The following ACSS1 variants were observed in gnomAD, a reference collection of about 807,000 sequenced individuals.
ACSS1 encodes acetyl-coenzyme A synthetase 2-like, mitochondrial.
ACSS1 carries 42 observed loss-of-function variants against 75.3 expected under a neutral mutation model. The ratio of observed to expected loss-of-function variants is 0.56; its 90% CI spans 0.44 to 0.72. The LOEUF is 0.72. Among genes scored for constraint, ACSS1 ranks in the 30% least tolerant of loss-of-function variants. ACSS1 has a pLI of 0.00. For synonymous variants in ACSS1, 380 were observed against 376.8 expected (o/e 1.01, Z -0.10); for missense variants, 782 against 935.7 (o/e 0.84, Z 2.14).
At chr20:25,048,724 T>C (rs1260719271) in intron 1 of ACSS1, among the ~76,000 whole-genome samples, 1 of 152,226 alleles carries the variant, frequency 6.6e-6, no homozygotes, top group Non-Finnish European at 1.5e-5. Flanking sequence ...TAAACCAGCC[T>C]TGTTCCAAGA....
intron 12 of ACSS1, 181 bp from the exon 13 acceptor site, chr20:25,009,569 G>C: frequency 3.3e-6 from 2 of 608,148 alleles, no homozygotes; most frequent in South Asian, 1.9e-5. Flanking sequence ...TTCATGAAAA[G>C]TGGCAGCGAT....
At chr20:25,027,935 C>A (rs535245925) in intron 3 of ACSS1, among the ~76,000 whole-genome samples, 2 of 152,000 alleles carry the variant, frequency 1.3e-5, no homozygotes, top group African/African-American at 4.8e-5. Flanking sequence ...TTGCAATATA[C>A]AAGATCACTA....
chr20:25,037,006 AAGG>A (rs1277114117), intron 2 of ACSS1, among the ~76,000 whole-genome samples: 3 of 29,512 alleles, frequency 1.0e-4, no homozygotes, highest in African/African-American at 2.9e-4. Context: ...AGAAGAAAGA[AAGG>A]AAGGAAGGAA....
In ACSS1 at chr20:25,057,879, G is replaced by A. The variant is rs1478160444; in HGVS notation, c.224C>T (p.Pro75Leu). 2 of 1,612,512 alleles carry A rather than the reference G, an allele frequency of 1.2e-6. No homozygotes were observed. Among genetic ancestry groups the A allele is most frequent in the African/African-American group, 1.3e-5 (1 of 74,910 alleles). The stretch of plus-strand genomic sequence containing the variant: ...CCACACGAGAGTGTCCCGCGCCAGA[G>A]GCCCCCAGAAGGCGGCCGGCTCCCG... ...AAREPAAFWG[P>L]LARDTLVWDT... The change falls in exon 1 of 14, where the codon CCT (proline) becomes CTT (leucine). Residue 75 changes from proline to leucine, a missense_variant. By Grantham distance (98) the Pro-to-Leu change is moderately conservative. Around this residue, in one of 2 missense-constraint regions of ACSS1, gnomAD observed 377 missense variants for 383.1 expected, o/e 0.98. Transcript: ENST00000323482.
intron 2 of ACSS1, chr20:25,032,369 C>G (rs765335306): frequency 5.1e-5 from 69 of 1,354,404 alleles, no homozygotes; most frequent in Non-Finnish European, 6.2e-5. Context: ...GCCAACTTGC[C>G]GGCCATGCGG....
Position 25,007,466 on chromosome 20 carries a change from C to G in ACSS1, c.*296G>C. ...AGGGCCTCACCTTCCTGTGCTGGCTCAAGAGGGCAGAGGAATGGAGATGGC... is the reference window on the plus strand; with the variant it reads ...AGGGCCTCACCTTCCTGTGCTGGCTGAAGAGGGCAGAGGAATGGAGATGGC... On this transcript the variant is annotated 3_prime_UTR_variant, in exon 14 of 14. Coordinates refer to ENST00000323482, the MANE Select transcript of ACSS1 (RefSeq NM_032501.4). The G allele has an allele frequency of 1.6e-6, 2 of 1,228,202 alleles. No individual in the cohort carries two copies. Among genetic ancestry groups the G allele is most frequent in the Non-Finnish European group, 2.0e-6 (2 of 979,242 alleles). 76.1% of individuals were successfully genotyped at this position (1,228,202 alleles called of 1,614,324 possible). A position where few individuals can be genotyped will look rare whatever the true frequency, so the allele number is the denominator to read the frequency against.
intron 4 of ACSS1, 53 bp from the exon 5 acceptor site, chr20:25,023,145 A>G (rs2088654233): frequency 3.8e-6 from 6 of 1,572,306 alleles, no homozygotes; most frequent in Non-Finnish European, 5.2e-6. Context: ...CCTCTCTGAG[A>G]GCAGCACTCC....
chr20:25,007,730 C>CGCCCATCCCAAGAGCCCCACAAGGTGCCA lies in ACSS1; in HGVS notation c.*3_*31dup. On this transcript the variant is annotated 3_prime_UTR_variant, in exon 14 of 14. Transcript: ENST00000323482. Reference sequence around the variant, plus strand: ...AAGGACAAGCCAGGGCTTGGGTGCCCGCCCATCCCAAGAGCCCCACAAGGT... The same window carrying CGCCCATCCCAAGAGCCCCACAAGGTGCCA: ...AAGGACAAGCCAGGGCTTGGGTGCCCGCCCATCCCAAGAGCCCCACAAGGTGCCAGCCCATCCCAAGAGCCCCACAAGGT... 1 of 1,608,554 alleles carries CGCCCATCCCAAGAGCCCCACAAGGTGCCA rather than the reference C, an allele frequency of 6.2e-7. No individual in the cohort carries two copies. Among genetic ancestry groups the CGCCCATCCCAAGAGCCCCACAAGGTGCCA allele is most frequent in the Non-Finnish European group, 8.5e-7 (1 of 1,176,770 alleles).
At chr20:25,022,816 A>G (rs1158685244) in intron 5 of ACSS1, 124 bp downstream of exon 5, 1 of 1,337,998 alleles carries the variant, frequency 7.5e-7, no homozygotes, top group Non-Finnish European at 9.8e-7. Context: ...CCTGCCCCGA[A>G]TAGGCCAGGA....
chr20:25,028,257 C>T (rs973292561), intron 3 of ACSS1, among the ~76,000 whole-genome samples: 6 of 152,104 alleles, frequency 3.9e-5, no homozygotes, highest in Admixed American at 3.9e-4. Flanking sequence ...AAAAGCTAAT[C>T]CTAAAATTCC....
At chr20:25,055,462 G>A (rs1326639504) in intron 1 of ACSS1, among the ~76,000 whole-genome samples, 1 of 152,122 alleles carries the variant, frequency 6.6e-6, no homozygotes, top group Non-Finnish European at 1.5e-5. Context: ...GTTTAATAGG[G>A]CCAAGGCCAG....
Position 25,048,226 on chromosome 20 carries a change from G to A in ACSS1, c.335-45C>T, listed in dbSNP as rs2089127834. On this transcript the variant is annotated intron_variant, in intron 1 of 13. Transcript: ENST00000323482. ...GCGGATGTTACACTTGGTGCTTTTT[G>A]AGTGAGAATTCGGCCAGGTTGAGGG... The A allele has an allele frequency of 2.5e-6, 4 of 1,580,960 alleles. No homozygotes were observed. In the African/African-American group the frequency reaches 5.4e-5, roughly 21 times the overall value.
intron 2 of ACSS1, among the ~76,000 whole-genome samples, chr20:25,034,709 C>T (rs913600204): frequency 6.6e-6 from 1 of 151,950 alleles, no homozygotes; most frequent in African/African-American, 2.4e-5. Flanking sequence ...GTTGGGATTA[C>T]AGGCATGCAC....
intron 5 of ACSS1, among the ~76,000 whole-genome samples, chr20:25,022,729 A>C (rs1221477779): frequency 1.3e-5 from 2 of 152,244 alleles, no homozygotes; most frequent in Non-Finnish European, 2.9e-5. Context: ...ATTATCTGGG[A>C]GTTTCCAGAC....
rs142050532 is a variant in ACSS1, at chr20:25,045,405, C to G, written c.431+2680G>C. On this transcript the variant is annotated intron_variant, in intron 2 of 13. Transcript: ENST00000323482. ...AGGGCTGCATCTGCCTGTGCTGACC[C>G]AGCGTCACCTGTGCCTAAGGTCACG... Among the ~76,000 whole-genome samples the G allele has an allele frequency of 3.1e-3, 465 of 152,306 alleles. 2 individuals are homozygous for G. Among genetic ancestry groups the G allele is most frequent in the African/African-American group, 0.01 (432 of 41,566 alleles).
intron 2 of ACSS1, among the ~76,000 whole-genome samples, chr20:25,040,921 T>C (rs532431572): frequency 1.3e-5 from 2 of 152,370 alleles, no homozygotes; most frequent in East Asian, 1.9e-4. Flanking sequence ...TCATTCCTTT[T>C]ATTGAATAAT....
chr20:25,016,331 C>T lies in ACSS1; in HGVS notation c.1247-1101G>A, dbSNP rs571816911. Among the ~76,000 whole-genome samples, 28 of 152,344 alleles carry T rather than the reference C, an allele frequency of 1.8e-4. No individual in the cohort carries two copies. The East Asian group carries it at 5.4e-3, about 29-fold the overall frequency. On this transcript the variant is annotated intron_variant, in intron 7 of 13. Coordinates refer to ENST00000323482, the MANE Select transcript of ACSS1 (RefSeq NM_032501.4). ...ACTAGGAATTTCTGTAGCACTTATA[C>T]ACGTAAACATCTCTCAAGTTGAACA...
At chr20:25,044,027 A>G (rs959153667) in intron 2 of ACSS1, among the ~76,000 whole-genome samples, 3 of 152,154 alleles carry the variant, frequency 2.0e-5, no homozygotes, top group Non-Finnish European at 4.4e-5. Flanking sequence ...TGGCACCCAC[A>G]GTCCACTCTC....
chr20:25,009,827 G>A (rs777548433), intron 12 of ACSS1: 16 of 158,944 alleles, frequency 1.0e-4, no homozygotes, highest in Non-Finnish European at 1.9e-4. Context: ...CCATGGGCCA[G>A]GGTAGCTATT....
Sources: allele counts gnomAD v4.1 joint callset (sites outside exome capture counted in the v4.1 genomes callset), GRCh38; gene constraint gnomAD v4.1.1; regional missense constraint gnomAD v4.1.1; transcripts MANE v1.5; gene names NCBI Gene and HGNC (gene_info 2026-07-23, HGNC 2026-07-21).